SLC12A7: variants seen among roughly 807,000 people sequenced by gnomAD.
The protein encoded by SLC12A7 is solute carrier family 12 member 7, also known as K-Cl cotransporter 4.
A neutral mutation model predicts 120.6 loss-of-function variants in SLC12A7; 100 were observed. The observed-to-expected ratio is 0.83, with a 90% confidence interval of 0.71 to 0.98. The LOEUF (loss-of-function observed/expected upper bound fraction) is 0.98, where lower values mean the gene tolerates loss of function less well. SLC12A7 is among the 50% of genes least tolerant of loss of function. The pLI is 0.00. For missense variants in SLC12A7, 1,373 were observed against 1,548.1 expected (o/e 0.89, Z 1.90); for synonymous variants, 760 against 678.0 (o/e 1.12, Z -1.88).
chr5:1,124,777 A>G, the SLC12A7 span, among the ~76,000 whole-genome samples: 6 of 152,226 alleles, frequency 3.9e-5, no homozygotes, highest in African/African-American at 1.4e-4. Flanking sequence ...AAGCGAACAC[A>G]GGGAGAAAAC....
chr5:1,106,375 C>T (rs570983015), intron 1 of SLC12A7, among the ~76,000 whole-genome samples: 2 of 145,360 alleles, frequency 1.4e-5, no homozygotes, highest in South Asian at 2.1e-4. Context: ...ATCGCTTGAA[C>T]CTGGGAGGCA....
the SLC12A7 span, among the ~76,000 whole-genome samples, chr5:1,120,648 G>T: frequency 6.6e-6 from 1 of 152,220 alleles, no homozygotes; most frequent in South Asian, 2.1e-4. Context: ...CTTCCTGGGA[G>T]CCCAGACTGG....
the SLC12A7 span, among the ~76,000 whole-genome samples, chr5:1,149,960 G>A: frequency 6.6e-6 from 1 of 152,196 alleles, no homozygotes; most frequent in African/African-American, 2.4e-5. Flanking sequence ...AATCTGGGAG[G>A]TGGAGGTTGC....
upstream of SLC12A7, among the ~76,000 whole-genome samples, chr5:1,115,846 A>AAGGGGGAGGGAAAGGAAAGAG (rs1193102081): frequency 6.9e-6 from 1 of 145,660 alleles, no homozygotes; most frequent in Non-Finnish European, 1.5e-5. Context: ...GAATCGGGGG[A>AAGGGGGAGGGAAAGGAAAGAG]AGGGGGAGGG....
At chr5:1,065,563 G>T in intron 17 of SLC12A7, 85 bp from the exon 18 acceptor site, 1 of 1,178,966 alleles carries the variant, frequency 8.5e-7, no homozygotes, top group Non-Finnish European at 1.2e-6. Flanking sequence ...CAGGGCACCC[G>T]CACCACCTCC....
At position 1,074,554 on chromosome 5, in the gene SLC12A7, G is replaced by A; in HGVS notation, c.2072+13C>T. The A allele has an allele frequency of 6.2e-7, 1 of 1,606,840 alleles. No homozygotes were observed. The highest frequency in any genetic ancestry group is 8.5e-7 in the Non-Finnish European group (1 of 1,175,252). ...TGTGCGTCTGAGGACCACGGGGCAT[G>A]GGCGGTGCTCACCTCCAGTTCTTGG... is the stretch of plus-strand genomic sequence containing the variant. On this transcript the variant is annotated intron_variant, in intron 16 of 23. Coordinates refer to ENST00000264930, the MANE Select transcript of SLC12A7 (RefSeq NM_006598.3).
At chr5:1,082,739 C>G (rs533697307) in intron 8 of SLC12A7, among the ~76,000 whole-genome samples, 58 of 141,510 alleles carry the variant, frequency 4.1e-4, no homozygotes, top group South Asian at 7.0e-4. Context: ...CTTCCCATCT[C>G]AGGTTCTGGA....
intron 4 of SLC12A7, 55 bp from the exon 5 acceptor site, chr5:1,088,415 C>T (rs143218952): frequency 1.1e-5 from 17 of 1,524,000 alleles, no homozygotes; most frequent in South Asian, 4.8e-5. Context: ...CTGCCGGCAT[C>T]GCAACACTCC....
chr5:1,053,871 A>C (rs1735316646), intron 22 of SLC12A7, among the ~76,000 whole-genome samples: 1 of 152,228 alleles, frequency 6.6e-6, no homozygotes, highest in African/African-American at 2.4e-5. Context: ...CAAGGCTGAC[A>C]CGCTTCTCTT....
At chr5:1,064,447 T>C (rs1470833405) in intron 18 of SLC12A7, among the ~76,000 whole-genome samples, 195 bp from the exon 19 acceptor site, 1 of 152,208 alleles carries the variant, frequency 6.6e-6, no homozygotes, top group African/African-American at 2.4e-5. Flanking sequence ...TGGTCATGTG[T>C]CCAGGGAATC....
chr5:1,076,339 G>A (rs982981436), intron 13 of SLC12A7, 103 bp from the exon 14 acceptor site: 40 of 886,704 alleles, frequency 4.5e-5, no homozygotes, highest in Non-Finnish European at 6.1e-5. Context: ...TCCCACCTGC[G>A]CCTTGTCTCC....
rs140320673 is a variant in SLC12A7 at position 1,085,249 on chromosome 5, G to A, written c.900C>T (p.Phe300=). The A allele has an allele frequency of 8.4e-5, 136 of 1,612,500 alleles. No individual in the cohort carries two copies. The African/African-American group carries it at 1.5e-3, about 18-fold the overall frequency. ...AGACTCACGGGATGTCCGGGGGGTC[G>A]AAGGCAGACTTGATGACGCCGGCAT... The part of the protein sequence containing the change: ...AIYAGVIKSA[F]DPPDIPVCLL... The change falls in exon 7 of 24, where the codon TTC becomes TTT. Residue 300 remains phenylalanine (F), a synonymous_variant. Transcript: ENST00000264930.
At chr5:1,066,223 A>G (rs763340954) in intron 17 of SLC12A7, among the ~76,000 whole-genome samples, 6 of 152,282 alleles carry the variant, frequency 3.9e-5, no homozygotes, top group Non-Finnish European at 7.4e-5. Context: ...TGGAGCAAAC[A>G]TGCCTCTCCT....
intron 8 of SLC12A7, 119 bp from the exon 9 acceptor site, chr5:1,081,863 T>C: frequency 8.3e-7 from 1 of 1,197,710 alleles, no homozygotes; most frequent in East Asian, 2.5e-5. Context: ...TCACAGCTTG[T>C]GCGCCGCAAG....
chr5:1,093,794 G>A, intron 2 of SLC12A7, 139 bp from the exon 3 acceptor site: 4 of 1,307,120 alleles, frequency 3.1e-6, no homozygotes, highest in South Asian at 1.4e-5. Flanking sequence ...AGAGAGGCCT[G>A]GACACCTGTG....
chr5:1,104,034 G>A (rs990880544), intron 1 of SLC12A7, among the ~76,000 whole-genome samples: 38 of 152,326 alleles, frequency 2.5e-4, no homozygotes, highest in African/African-American at 8.2e-4. Flanking sequence ...CTCCCAGGGC[G>A]GCTCCTGTTA....
At position 1,050,685 on chromosome 5, in the gene SLC12A7, T is replaced by A. The variant is rs556181583; in HGVS notation, c.*1675A>T. 1.8e-4 allele frequency: 72 copies of A among 394,512 alleles called. No individual in the cohort carries two copies. Among genetic ancestry groups the A allele is most frequent in the African/African-American group, 1.5e-3 (71 of 48,682 alleles). 24.4% of individuals were successfully genotyped at this position (394,512 alleles called of 1,614,324 possible). On this transcript the variant is annotated 3_prime_UTR_variant, in exon 24 of 24. Transcript: ENST00000264930. ...TGCCTCTAGCCTGCTCTCCTCCAGG[T>A]GCAGGGGACACAGGACCTGCCGGCC...
At chr5:1,086,749 C>G (rs1173412725) in intron 6 of SLC12A7, among the ~76,000 whole-genome samples, 154 bp downstream of exon 6, 1 of 152,242 alleles carries the variant, frequency 6.6e-6, no homozygotes, top group Non-Finnish European at 1.5e-5. Context: ...TGGCTTCCGC[C>G]ATGGCCAGAG....
intron 1 of SLC12A7, among the ~76,000 whole-genome samples, chr5:1,108,019 A>AACACACACACACACAC (rs1288843782): frequency 1.9e-4 from 8 of 41,394 alleles, no homozygotes; most frequent in Non-Finnish European, 4.9e-5. Flanking sequence ...ACAGCATACA[A>AACACACACACACACAC]ACACACACAT....
Sources: allele counts gnomAD v4.1 joint callset (sites outside exome capture counted in the v4.1 genomes callset), GRCh38; gene constraint gnomAD v4.1.1; transcripts MANE v1.5; gene names NCBI Gene and HGNC (gene_info 2026-07-23, HGNC 2026-07-21).